RIT2: variants seen among roughly 807,000 people sequenced by gnomAD.
The protein encoded by RIT2 is Ras like without CAAX 2.
RIT2 carries 24 observed loss-of-function variants against 23.7 expected under a neutral mutation model. The observed-to-expected ratio is 1.01, with a 90% CI of 0.73 to 1.43. The LOEUF (loss-of-function observed/expected upper bound fraction) is 1.43, where lower values mean the gene tolerates loss of function less well. Ranked by LOEUF, RIT2 falls within the 40% of genes most tolerant of loss-of-function variation. The pLI is 0.00. For synonymous variants in RIT2, 107 were observed against 91.1 expected, an observed-to-expected ratio of 1.17 and a Z score of -0.99; for missense variants, 236 against 266.9, an observed-to-expected ratio of 0.88 and a Z score of 0.81.
intron 1 of RIT2, among the ~76,000 whole-genome samples, chr18:43,041,906 G>A (rs193192786): frequency 2.9e-4 from 44 of 152,024 alleles, no homozygotes; most frequent in African/African-American, 1.0e-3. Flanking sequence ...GAAAATTATA[G>A]AAAGGGGTTA....
At chr18:43,053,969 T>C (rs1912442795) in intron 1 of RIT2, among the ~76,000 whole-genome samples, 1 of 152,068 alleles carries the variant, frequency 6.6e-6, no homozygotes, top group Non-Finnish European at 1.5e-5. Flanking sequence ...CCCTATCACA[T>C]CAGTTTCTAT....
chr18:43,101,416 C>G (rs1260559834), intron 1 of RIT2, among the ~76,000 whole-genome samples: 1 of 151,888 alleles, frequency 6.6e-6, no homozygotes, highest in Non-Finnish European at 1.5e-5. Flanking sequence ...TAAATGTTAT[C>G]TAGATAAAAA....
At chr18:42,797,941 T>A (rs534046166) in intron 4 of RIT2, among the ~76,000 whole-genome samples, 1 of 152,238 alleles carries the variant, frequency 6.6e-6, no homozygotes, top group Non-Finnish European at 1.5e-5. Flanking sequence ...TGGCTGATTC[T>A]CTATACTCTT....
At chr18:42,898,428 A>T (rs1484867234) in intron 4 of RIT2, among the ~76,000 whole-genome samples, 1 of 152,144 alleles carries the variant, frequency 6.6e-6, no homozygotes, top group Non-Finnish European at 1.5e-5. Context: ...AAGTGTGGGC[A>T]ATTGTATAGT....
At chr18:42,880,997 G>A (rs1907878248) in intron 4 of RIT2, among the ~76,000 whole-genome samples, 1 of 151,812 alleles carries the variant, frequency 6.6e-6, no homozygotes, top group Admixed American at 6.6e-5. Flanking sequence ...GTAGAGACAG[G>A]GTTTCTCCAT....
chr18:42,958,052 G>A (rs1296958433), intron 3 of RIT2, among the ~76,000 whole-genome samples: 1 of 152,120 alleles, frequency 6.6e-6, no homozygotes, highest in Non-Finnish European at 1.5e-5. Flanking sequence ...CTGGTTAAAA[G>A]AGTTCCTACT....
intron 2 of RIT2, among the ~76,000 whole-genome samples, chr18:43,015,874 G>A (rs1911463525): frequency 6.6e-6 from 1 of 151,760 alleles, no homozygotes; most frequent in Non-Finnish European, 1.5e-5. Context: ...AAATATGACA[G>A]TATATGGAAG....
chr18:42,810,555 ACTAC>A (rs1357820538), intron 4 of RIT2, among the ~76,000 whole-genome samples: 1 of 151,970 alleles, frequency 6.6e-6, no homozygotes, highest in African/African-American at 2.4e-5. Context: ...TCTGTATTCA[ACTAC>A]CTGGAAATAG....
At chr18:43,112,990 T>C (rs1186459462) in intron 1 of RIT2, among the ~76,000 whole-genome samples, 4 of 152,178 alleles carry the variant, frequency 2.6e-5, no homozygotes, top group African/African-American at 9.7e-5. Flanking sequence ...ATACCTCTGT[T>C]GATCTAAGTC....
intron 4 of RIT2, among the ~76,000 whole-genome samples, chr18:42,807,818 T>C (rs1001725304): frequency 5.3e-5 from 8 of 151,956 alleles, no homozygotes; most frequent in Non-Finnish European, 8.8e-5. Context: ...TGTGTGTGTG[T>C]GTGTGTGTAA....
chr18:42,863,589 A>C lies in RIT2; in HGVS notation c.426+59983T>G, dbSNP rs555030527. ...TGAACCTCTTATAAGCAGTAACATA[A>C]ATTTCTTTCAAATTAAATTTGGAAG... On this transcript the variant is annotated intron_variant, in intron 4 of 4. Transcript: ENST00000326695. Among the ~76,000 whole-genome samples, 13 of 152,306 alleles carry C rather than the reference A, an allele frequency of 8.5e-5. No homozygotes were observed. In the South Asian group the frequency reaches 1.7e-3, roughly 19 times the overall value.
chr18:42,906,491 CA>C (rs1908626269), intron 4 of RIT2, among the ~76,000 whole-genome samples: 1 of 151,932 alleles, frequency 6.6e-6, no homozygotes, highest in African/African-American at 2.4e-5. Flanking sequence ...CCTTCTAATT[CA>C]AACACATTTT....
chr18:42,797,780 T>G (rs1905411368), intron 4 of RIT2, among the ~76,000 whole-genome samples: 1 of 152,164 alleles, frequency 6.6e-6, no homozygotes, highest in African/African-American at 2.4e-5. Context: ...AACATATAGG[T>G]CACTAGTGGG....
chr18:42,824,794 T>C (rs553335354), intron 4 of RIT2, among the ~76,000 whole-genome samples: 3 of 151,602 alleles, frequency 2.0e-5, no homozygotes, highest in East Asian at 3.9e-4. Context: ...TGTTTAATTA[T>C]GAGAGAAAAA....
chr18:42,866,642 A>G (rs1180313646), intron 4 of RIT2, among the ~76,000 whole-genome samples: 2 of 147,120 alleles, frequency 1.4e-5, no homozygotes, highest in East Asian at 3.9e-4. Context: ...GCTGTCAGGA[A>G]AAAAAAAAAA....
Position 43,071,372 on chromosome 18 carries a change from T to C in RIT2, c.104-37505A>G, listed in dbSNP as rs1199417405. Among the ~76,000 whole-genome samples the C allele has an allele frequency of 3.2e-4, 49 of 152,056 alleles. 1 individual carries two copies. The highest frequency in any genetic ancestry group is 3.2e-3 in the Admixed American group (49 of 15,246). On this transcript the variant is annotated intron_variant, in intron 1 of 4. Coordinates refer to ENST00000326695, the MANE Select transcript of RIT2 (RefSeq NM_002930.4). ...CCCAGGTTCTCAACTGGCGATGGAG[T>C]TGGGGTGGCGGGGGGCGAGGATGTG...
At chr18:42,777,928 C>T (rs2143926768) in intron 4 of RIT2, among the ~76,000 whole-genome samples, 1 of 152,292 alleles carries the variant, frequency 6.6e-6, no homozygotes, top group East Asian at 1.9e-4. Context: ...ATAAAATGAT[C>T]ATCAATAAGT....
intron 2 of RIT2, among the ~76,000 whole-genome samples, chr18:43,020,104 C>A (rs536788834): frequency 6.6e-6 from 1 of 152,166 alleles, no homozygotes; most frequent in East Asian, 1.9e-4. Context: ...TTAAAATGGA[C>A]ATATTACCCA....
intron 3 of RIT2, among the ~76,000 whole-genome samples, chr18:42,957,203 G>T (rs1909992779): frequency 6.6e-6 from 1 of 152,108 alleles, no homozygotes; most frequent in Non-Finnish European, 1.5e-5. Context: ...AAATAAGTCT[G>T]CCAAATGGAG....
Sources: allele counts gnomAD v4.1 joint callset (sites outside exome capture counted in the v4.1 genomes callset), GRCh38; gene constraint gnomAD v4.1.1; transcripts MANE v1.5; gene names NCBI Gene and HGNC (gene_info 2026-07-23, HGNC 2026-07-21).